The following WFIKKN2 variants were observed in gnomAD, a reference collection of about 807,000 sequenced individuals.
The protein encoded by WFIKKN2 is WAP, follistatin/kazal, immunoglobulin, kunitz and netrin domain containing 2.
Under a neutral mutation model 39.2 loss-of-function variants are expected in WFIKKN2, and 25 were observed. The observed-to-expected ratio is 0.64, with a 90% confidence interval of 0.47 to 0.89. The LOEUF is 0.89. Ranked by LOEUF, WFIKKN2 falls within the 40% of genes least tolerant of loss-of-function variation. The pLI is 0.00. For synonymous variants in WFIKKN2, 345 were observed against 329.7 expected (o/e 1.05, Z -0.50); for missense variants, 770 against 811.7 (o/e 0.95, Z 0.62).
rs752558505 is a variant in WFIKKN2 at position 50,840,524 on chromosome 17, G to C, written c.1236G>C (p.Gln412His). 10 of 1,614,070 alleles carry C rather than the reference G, an allele frequency of 6.2e-6. 1 individual carries two copies. The South Asian group carries it at 9.9e-5, about 16-fold the overall frequency. Residue 412 changes from glutamine to histidine, a missense_variant, in exon 2 of 2, where the codon CAG (glutamine) becomes CAC (histidine). Physicochemically the swap from Gln to His is conservative, Grantham distance 24. Coordinates refer to ENST00000311378, the MANE Select transcript of WFIKKN2 (RefSeq NM_175575.6). ...ACAACAGCCAGACGGGCCAGTGCCA[G>C]TCCTTTGTCTATGGTGGCTGCGAGG... ...WAYNSQTGQC[Q>H]SFVYGGCEGN... is the part of the protein sequence containing the mutation.
chr17:50,838,423 G>C (rs1265966098), intron 1 of WFIKKN2, among the ~76,000 whole-genome samples: 1 of 152,226 alleles, frequency 6.6e-6, no homozygotes, highest in Admixed American at 6.5e-5. Context: ...GCCAGCCCTA[G>C]TGGGGAGTAA....
Position 50,840,124 on chromosome 17 carries a change from T to C in WFIKKN2, c.836T>C (p.Leu279Pro), listed in dbSNP as rs1158139873. The C allele has an allele frequency of 6.2e-7, 1 of 1,602,794 alleles. No homozygotes were observed. The highest frequency in any genetic ancestry group is 1.4e-5 in the African/African-American group (1 of 71,958). The change falls in exon 2 of 2, where the codon CTG (leucine) becomes CCG (proline). Residue 279 changes from leucine to proline, a missense_variant. Physicochemically the swap from Leu to Pro is moderately conservative, Grantham distance 98. Coordinates refer to ENST00000311378, the MANE Select transcript of WFIKKN2 (RefSeq NM_175575.6). ...CAGCTGGTCATCTATAACGCCCAGC[T>C]GCAGGATGCTGGGATCTACACCTGC... is the stretch of plus-strand genomic sequence containing the variant. ...IAQLVIYNAQ[L>P]QDAGIYTCTA...
At chr17:50,835,537 T>C (rs1971942535), upstream of WFIKKN2, 1 of 187,470 alleles carries the variant, frequency 5.3e-6, no homozygotes. Flanking sequence ...CCAGCTTCTT[T>C]TTTTTTTTTT....
At position 50,840,894 on chromosome 17, in the gene WFIKKN2, G is replaced by T. The variant is rs1046447327; in HGVS notation, c.1606G>T (p.Gly536Cys). The T allele has an allele frequency of 1.2e-6, 2 of 1,608,984 alleles. No individual in the cohort carries two copies. The highest frequency in any genetic ancestry group is 4.5e-5 in the East Asian group (2 of 44,732). The change falls in exon 2 of 2, where the codon GGC (glycine) becomes TGC (cysteine). Residue 536 changes from glycine to cysteine, a missense_variant. Gly to Cys is a radical substitution (Grantham distance 159). Transcript: ENST00000311378. ...CATCATCATGGGGGAGGTGGACGGC[G>T]GCATGGCCATGCTGCGCCCCGATAG... ...PLIIMGEVDGGMAMLRPDSFV... is the reference protein window; with the variant it reads ...PLIIMGEVDGCMAMLRPDSFV...
chr17:50,840,961 G>T lies in WFIKKN2; in HGVS notation c.1673G>T (p.Arg558Leu), dbSNP rs540858152. The part of the protein sequence containing the change: ...ASSARRVRKL[R>L]EVMHKKTCDV... ...AGTGCCCGCCGGGTCAGGAAGCTTC[G>T]TGAGGTCATGCACAAGAAGACCTGT... The change falls in exon 2 of 2, where the codon CGT (arginine) becomes CTT (leucine). Residue 558 changes from arginine (R) to leucine (L), a missense_variant. Coordinates refer to ENST00000311378, the MANE Select transcript of WFIKKN2 (RefSeq NM_175575.6). The T allele has an allele frequency of 6.3e-7, 1 of 1,577,754 alleles. No homozygotes were observed.
rs201967053 is a variant in WFIKKN2 at position 50,836,039 on chromosome 17, G to A, written c.102G>A (p.Ala34=). 162 of 1,601,788 alleles carry A rather than the reference G, an allele frequency of 1.0e-4. No homozygotes were observed. Among genetic ancestry groups the A allele is most frequent in the Admixed American group, 6.9e-5 (4 of 57,846 alleles). ...TCGGGGTGCCCCCGCGAAGCCTGGCGCTGCCGCCCATCCGCTATTCCCACG... is the reference window on the plus strand; with the variant it reads ...TCGGGGTGCCCCCGCGAAGCCTGGCACTGCCGCCCATCCGCTATTCCCACG... The part of the protein sequence containing the change: ...LLLGVPPRSL[A]LPPIRYSHAG... Residue 34 remains alanine, a synonymous_variant, in exon 1 of 2, where the codon GCG becomes GCA. Coordinates refer to ENST00000311378, the MANE Select transcript of WFIKKN2 (RefSeq NM_175575.6).
intron 1 of WFIKKN2, 101 bp downstream of exon 1, chr17:50,836,248 C>T (rs576971739): frequency 2.7e-5 from 38 of 1,382,296 alleles, no homozygotes; most frequent in East Asian, 2.0e-4. Flanking sequence ...AGGAGGACAA[C>T]GTGAGTGGGG....
chr17:50,838,183 C>T (rs905942988), intron 1 of WFIKKN2, among the ~76,000 whole-genome samples: 17 of 152,150 alleles, frequency 1.1e-4, no homozygotes, highest in Non-Finnish European at 2.2e-4. Flanking sequence ...CTCCCTTAGA[C>T]CCAGCTCTGA....
At chr17:50,836,764 G>A (rs1200724400) in intron 1 of WFIKKN2, among the ~76,000 whole-genome samples, 1 of 150,264 alleles carries the variant, frequency 6.7e-6, no homozygotes, top group Non-Finnish European at 1.5e-5. Flanking sequence ...AGGTGAGTGG[G>A]ATCCAGAAGC....
At position 50,839,683 on chromosome 17, in the gene WFIKKN2, G is replaced by A. The variant is rs773233764; in HGVS notation, c.395G>A (p.Cys132Tyr). 3 of 1,614,134 alleles carry A rather than the reference G, an allele frequency of 1.9e-6. No individual in the cohort carries two copies. The highest frequency in any genetic ancestry group is 1.3e-5 in the African/African-American group (1 of 74,942). Residue 132 changes from cysteine to tyrosine, a missense_variant, in exon 2 of 2, where the codon TGT becomes TAT. Physicochemically the swap from Cys to Tyr is radical, Grantham distance 194. Transcript: ENST00000311378. ...ECDIWDGQPV[C>Y]KCKDRCEKEP... ...GACATCTGGGATGGCCAGCCCGTGT[G>A]TAAGTGCAAAGACCGCTGTGAGAAG...
Position 50,836,081 on chromosome 17 carries a change from C to A in WFIKKN2, c.144C>A (p.Asn48Lys), listed in dbSNP as rs779386286. The A allele has an allele frequency of 9.3e-6, 15 of 1,611,464 alleles. No homozygotes were observed. The highest frequency in any genetic ancestry group is 1.3e-5 in the Non-Finnish European group (15 of 1,178,842). Residue 48 changes from asparagine to lysine, a missense_variant, in exon 1 of 2, where the codon AAC becomes AAA. Coordinates refer to ENST00000311378, the MANE Select transcript of WFIKKN2 (RefSeq NM_175575.6). ...ATTCCCACGCCGGCATCTGCCCCAA[C>A]GACATGAATCCCAACCTCTGGGTGG... is the stretch of plus-strand genomic sequence containing the variant. ...IRYSHAGICP[N>K]DMNPNLWVDA...
At chr17:50,835,547 T>TC (rs199817361), upstream of WFIKKN2, 23 of 175,014 alleles carry the variant, frequency 1.3e-4, no homozygotes, top group African/African-American at 3.2e-4. Context: ...TTTTTTTTTT[T>TC]CCCCCCTTCT....
At position 50,839,788 on chromosome 17, in the gene WFIKKN2, G is replaced by A. The variant is rs1483145076; in HGVS notation, c.500G>A (p.Gly167Asp). Reference sequence around the variant, plus strand: ...ATGGATGCCGAGGCCTGCTCCAAAGGCATCACACTGGCCGTTGTAACCTGC... The same window carrying A: ...ATGGATGCCGAGGCCTGCTCCAAAGACATCACACTGGCCGTTGTAACCTGC... ...CYMDAEACSKGITLAVVTCRY... is the reference protein window; with the variant it reads ...CYMDAEACSKDITLAVVTCRY... Residue 167 changes from glycine (G) to aspartate (D), a missense_variant, in exon 2 of 2, where the codon GGC becomes GAC. Transcript: ENST00000311378. 4.3e-6 allele frequency: 7 copies of A among 1,614,080 alleles called. No individual in the cohort carries two copies. Among genetic ancestry groups the A allele is most frequent in the Middle Eastern group, 1.6e-4 (1 of 6,084 alleles).
intron 1 of WFIKKN2, among the ~76,000 whole-genome samples, chr17:50,837,053 T>C (rs1232615785): frequency 6.6e-6 from 1 of 152,206 alleles, no homozygotes; most frequent in Non-Finnish European, 1.5e-5. Context: ...TGAGGGCTAC[T>C]GTGGCCAGCA....
chr17:50,840,956 G>C lies in WFIKKN2; in HGVS notation c.1668G>C (p.Lys556Asn). ...CATCGAGTGCCCGCCGGGTCAGGAA[G>C]CTTCGTGAGGTCATGCACAAGAAGA... ...VGASSARRVRKLREVMHKKTC... is the reference protein window; with the variant it reads ...VGASSARRVRNLREVMHKKTC... Residue 556 changes from lysine to asparagine, a missense_variant, in exon 2 of 2, where the codon AAG becomes AAC. Physicochemically the swap from Lys to Asn is moderately conservative, Grantham distance 94. Transcript: ENST00000311378. The C allele has an allele frequency of 6.3e-7, 1 of 1,581,076 alleles. No individual in the cohort carries two copies. Among genetic ancestry groups the C allele is most frequent in the Non-Finnish European group, 8.6e-7 (1 of 1,160,424 alleles).
Position 50,839,532 on chromosome 17 carries a change from G to C in WFIKKN2, c.244G>C (p.Val82Leu). Residue 82 changes from valine to leucine, a missense_variant, in exon 2 of 2, where the codon GTA becomes CTA. Val to Leu is a conservative substitution (Grantham distance 32). Coordinates refer to ENST00000311378, the MANE Select transcript of WFIKKN2 (RefSeq NM_175575.6). ...CETYEKCCPN[V>L]CGTKSCVAAR... is the part of the protein sequence containing the mutation. ...GACCTATGAGAAGTGCTGCCCCAACGTATGTGGGACCAAGAGCTGCGTGGC... is the reference window on the plus strand; with the variant it reads ...GACCTATGAGAAGTGCTGCCCCAACCTATGTGGGACCAAGAGCTGCGTGGC... The C allele has an allele frequency of 6.2e-7, 1 of 1,614,050 alleles. No homozygotes were observed.
At chr17:50,835,578 C>A, upstream of WFIKKN2, 1 of 293,164 alleles carries the variant, frequency 3.4e-6, no homozygotes, top group Non-Finnish European at 6.3e-6. Context: ...TGTGATCAGC[C>A]ACGGGACAGA....
At position 50,836,072 on chromosome 17, in the gene WFIKKN2, C is replaced by T; in HGVS notation, c.135C>T (p.Ile45=). 1 of 1,610,194 alleles carries T rather than the reference C, an allele frequency of 6.2e-7. No individual in the cohort carries two copies. The highest frequency in any genetic ancestry group is 8.5e-7 in the Non-Finnish European group (1 of 1,178,234). The change falls in exon 1 of 2, where the codon ATC becomes ATT. Residue 45 remains isoleucine (I), a synonymous_variant. Coordinates refer to ENST00000311378, the MANE Select transcript of WFIKKN2 (RefSeq NM_175575.6). ...LPPIRYSHAG[I]CPNDMNPNLW... ...CCATCCGCTATTCCCACGCCGGCAT[C>T]TGCCCCAACGACATGAATCCCAACC...
In WFIKKN2 at chr17:50,839,991, G is replaced by A; in HGVS notation, c.703G>A (p.Gly235Ser). 1.2e-6 allele frequency: 2 copies of A among 1,614,174 alleles called. No homozygotes were observed. Among genetic ancestry groups the A allele is most frequent in the Non-Finnish European group, 1.7e-6 (2 of 1,180,006 alleles). ...AGTGAGCTTCCTCTGTGATGTGGTG[G>A]GCCGGCCCCGGCCTGAGATCACCTG... is the stretch of plus-strand genomic sequence containing the variant. ...ETVSFLCDVV[G>S]RPRPEITWEK... Residue 235 changes from glycine to serine, a missense_variant, in exon 2 of 2, where the codon GGC becomes AGC. Coordinates refer to ENST00000311378, the MANE Select transcript of WFIKKN2 (RefSeq NM_175575.6).
Sources: allele counts gnomAD v4.1 joint callset (sites outside exome capture counted in the v4.1 genomes callset), GRCh38; gene constraint gnomAD v4.1.1; transcripts MANE v1.5; gene names NCBI Gene and HGNC (gene_info 2026-07-23, HGNC 2026-07-21).